The following SFR1 variants were observed in gnomAD, a reference collection of about 807,000 sequenced individuals.
The protein encoded by SFR1 is SWI5 dependent homologous recombination repair protein 1.
SFR1 carries 24 observed loss-of-function variants against 26.2 expected under a neutral mutation model. That is an observed-to-expected ratio of 0.92 (90% CI 0.66 to 1.29). The LOEUF (loss-of-function observed/expected upper bound fraction) is 1.29. SFR1 is among the 50% of genes most tolerant of loss of function. The pLI, the probability that SFR1 is intolerant of heterozygous loss-of-function variation, is 0.00. For synonymous variants in SFR1, 77 were observed against 96.6 expected (o/e 0.80, Z 1.19); for missense variants, 276 against 270.2 (o/e 1.02, Z -0.15).
At chr10:104,120,212 T>G (rs1457848937), upstream of SFR1, among the ~76,000 whole-genome samples, 1 of 152,234 alleles carries the variant, frequency 6.6e-6, no homozygotes, top group Non-Finnish European at 1.5e-5. Flanking sequence ...TGCACTGTGC[T>G]TCTAGTGTCA....
upstream of SFR1, among the ~76,000 whole-genome samples, chr10:104,120,804 T>TA (rs1170969687): frequency 6.6e-6 from 1 of 152,194 alleles, no homozygotes; most frequent in African/African-American, 2.4e-5. Flanking sequence ...TGTACGCCCC[T>TA]AATCATTCCC....
In SFR1 at chr10:104,125,986, G is replaced by A. The variant is rs992691841; in HGVS notation, c.*282G>A. 7 of 217,270 alleles carry A rather than the reference G, an allele frequency of 3.2e-5. No homozygotes were observed. The highest frequency in any genetic ancestry group is 1.8e-3 in the Middle Eastern group (1 of 566). 13.5% of individuals were successfully genotyped at this position (217,270 alleles called of 1,614,324 possible). On this transcript the variant is annotated 3_prime_UTR_variant, in exon 4 of 4. Coordinates refer to ENST00000369727, the MANE Select transcript of SFR1 (RefSeq NM_001002759.2). ...TCACCACGTTGGCCAGGCTGGTCTC[G>A]AACTCCTGACCTCAGGTGATCCACC...
Position 104,125,565 on chromosome 10 carries a change from A to G in SFR1, c.599A>G (p.Gln200Arg), listed in dbSNP as rs2087017067. The change falls in exon 4 of 4, where the codon CAG (glutamine) becomes CGG (arginine). Residue 200 changes from glutamine (Q) to arginine (R), a missense_variant. Gln to Arg is a conservative substitution (Grantham distance 43). Coordinates refer to ENST00000369727, the MANE Select transcript of SFR1 (RefSeq NM_001002759.2). ...LLIKKWRSCS[Q>R]LLLYELQSAV... ...ATAAAGAAGTGGAGAAGCTGTAGCC[A>G]GCTCTTGCTTTATGAGTTGCAGTCA... 1 of 1,613,754 alleles carries G rather than the reference A, an allele frequency of 6.2e-7. No individual in the cohort carries two copies. Among genetic ancestry groups the G allele is most frequent in the East Asian group, 2.2e-5 (1 of 44,868 alleles).
rs1365724071 is a variant in SFR1 at position 104,125,637 on chromosome 10, AC to A, written c.673del (p.His225ThrfsTer4). The part of the protein sequence containing the change: ...NKKLSLTQLI[D>X]HYGLDDKLLH... Reference sequence around the variant, plus strand: ...AAACTAAGCCTTACTCAATTGATAGACCACTATGGGTTAGATGATAAATTAC... The same window carrying A: ...AAACTAAGCCTTACTCAATTGATAGACACTATGGGTTAGATGATAAATTAC... On this transcript the variant is annotated frameshift_variant, in exon 4 of 4. Coordinates refer to ENST00000369727, the MANE Select transcript of SFR1 (RefSeq NM_001002759.2). LOFTEE classifies it high-confidence loss of function. The A allele has an allele frequency of 1.2e-6, 2 of 1,612,874 alleles. No homozygotes were observed. The highest frequency in any genetic ancestry group is 2.2e-5 in the East Asian group (1 of 44,866).
Position 104,125,847 on chromosome 10 carries a change from C to CCT in SFR1, c.*146_*147dup. On this transcript the variant is annotated 3_prime_UTR_variant, in exon 4 of 4. Transcript: ENST00000369727. ...ATGGTGCGATCTTGACTCACTGCAA[C>CCT]CTCTGCCTCTCGGGTTCCAGCAATT... The CCT allele has an allele frequency of 1.9e-6, 1 of 527,690 alleles. No homozygotes were observed. The highest frequency in any genetic ancestry group is 2.4e-5 in the South Asian group (1 of 41,110). 32.7% of individuals were successfully genotyped at this position (527,690 alleles called of 1,614,324 possible). A position where few individuals can be genotyped will look rare whatever the true frequency, so the allele number is the denominator to read the frequency against.
At chr10:104,121,175 A>T (rs998971052), upstream of SFR1, among the ~76,000 whole-genome samples, 1 of 152,090 alleles carries the variant, frequency 6.6e-6, no homozygotes, top group African/African-American at 2.4e-5. Context: ...GTCGGTCTCA[A>T]ACGTGAATTT....
At chr10:104,123,626 G>A (rs546014542) in intron 2 of SFR1, 88 bp from the exon 3 acceptor site, 16 of 1,087,632 alleles carry the variant, frequency 1.5e-5, no homozygotes, top group South Asian at 1.4e-4. Flanking sequence ...GTCTAGCATA[G>A]AAATGGAAGG....
rs529758125 is a variant in SFR1 at position 104,123,726 on chromosome 10, A to G, written c.148A>G (p.Thr50Ala). The change falls in exon 3 of 4, where the codon ACA (threonine) becomes GCA (alanine). Residue 50 changes from threonine to alanine, a missense_variant. Thr to Ala is a moderately conservative substitution (Grantham distance 58). Coordinates refer to ENST00000369727, the MANE Select transcript of SFR1 (RefSeq NM_001002759.2). ...GTGCTCTTTATAGCCTATGAGTGCA[A>G]CACTTAGAGAAAGATTAAGGAAAAC... ...NSSRKQPMSA[T>A]LRERLRKTRF... 3 of 1,595,044 alleles carry G rather than the reference A, an allele frequency of 1.9e-6. No homozygotes were observed. The South Asian group carries it at 3.4e-5, about 18-fold the overall frequency.
intron 2 of SFR1, 151 bp downstream of exon 2, chr10:104,123,237 A>G: frequency 1.5e-6 from 1 of 645,474 alleles, no homozygotes; most frequent in Admixed American, 3.1e-5. Context: ...TTTTCTTCTA[A>G]GGTGACATAT....
At chr10:104,122,687 G>A in intron 1 of SFR1, 1 of 1,365,268 alleles carries the variant, frequency 7.3e-7, no homozygotes, top group East Asian at 3.0e-5. Context: ...TTCCAAGGCA[G>A]AATTTGAATA....
rs200893641 is a variant in SFR1, at chr10:104,125,495, T to G, written c.547-18T>G. The stretch of plus-strand genomic sequence containing the variant: ...GCATGACTAGTTATTGACATACATG[T>G]TTTTTTTTCTGTTTCAGAATGATCT... On this transcript the variant is annotated intron_variant, in intron 3 of 3. Transcript: ENST00000369727. 296 of 1,571,932 alleles carry G rather than the reference T, an allele frequency of 1.9e-4. 1 individual carries two copies. Among genetic ancestry groups the G allele is most frequent in the South Asian group, 6.4e-4 (55 of 86,506 alleles).
At chr10:104,120,563 G>A (rs2086951295), upstream of SFR1, among the ~76,000 whole-genome samples, 1 of 152,076 alleles carries the variant, frequency 6.6e-6, no homozygotes, top group African/African-American at 2.4e-5. Context: ...GAAACTGAAG[G>A]TGATACATTC....
rs145344030 is a variant in SFR1, at chr10:104,123,974, T to G, written c.396T>G (p.Ser132=). The G allele has an allele frequency of 6.2e-7, 1 of 1,614,034 alleles. No individual in the cohort carries two copies. Among genetic ancestry groups the G allele is most frequent in the Non-Finnish European group, 8.5e-7 (1 of 1,179,952 alleles). Residue 132 remains serine, a synonymous_variant, in exon 3 of 4, where the codon TCT becomes TCG. Transcript: ENST00000369727. The part of the protein sequence containing the change: ...LNVCESQSLD[S]GSCSALQNEF... ...TCTGTGAATCTCAGTCACTTGATTC[T>G]GGATCATGCAGTGCTCTCCAAAATG...
chr10:104,121,668 CTGACTGGAGCCAGAGAAT>C (rs1335818227), upstream of SFR1, among the ~76,000 whole-genome samples: 14 of 152,206 alleles, frequency 9.2e-5, no homozygotes, highest in African/African-American at 3.1e-4. Flanking sequence ...GGAGAGGAGA[CTGACTGGAGCCAGAGAAT>C]GGAGGCGGCG....
Position 104,122,401 on chromosome 10 carries a change from C to T in SFR1, c.13+205C>T, listed in dbSNP as rs761899970. 543 of 985,274 alleles carry T rather than the reference C, an allele frequency of 5.5e-4. 1 individual carries two copies. Among genetic ancestry groups the T allele is most frequent in the Admixed American group, 8.6e-4 (14 of 16,262 alleles). The allele number at this position is 985,274 out of a possible 1,614,324, so 61.0% of individuals were successfully genotyped here. ...TAGTTTACCCCTCAAAAGTTAATGC[C>T]TTTGTCGGAGGAAGCAATTTCAGTC... On this transcript the variant is annotated intron_variant, in intron 1 of 3. Transcript: ENST00000369727.
At chr10:104,121,342 A>G (rs1254245066), upstream of SFR1, among the ~76,000 whole-genome samples, 1 of 151,682 alleles carries the variant, frequency 6.6e-6, no homozygotes, top group Non-Finnish European at 1.5e-5. Context: ...TTTGTTTACA[A>G]CAACAACAAA....
At chr10:104,122,467 G>C in intron 1 of SFR1, 1 of 985,458 alleles carries the variant, frequency 1.0e-6, no homozygotes, top group Non-Finnish European at 1.2e-6. Context: ...TAAACTAAAA[G>C]GCTACAGACG....
chr10:104,123,730 T>A lies in SFR1; in HGVS notation c.152T>A (p.Leu51His). 1 of 1,598,642 alleles carries A rather than the reference T, an allele frequency of 6.3e-7. No homozygotes were observed. Among genetic ancestry groups the A allele is most frequent in the Non-Finnish European group, 8.5e-7 (1 of 1,174,562 alleles). ...TCTTTATAGCCTATGAGTGCAACAC[T>A]TAGAGAAAGATTAAGGAAAACAAGA... Reference protein sequence around the residue: ...SSRKQPMSATLRERLRKTRFS... With the variant: ...SSRKQPMSATHRERLRKTRFS... Residue 51 changes from leucine (L) to histidine (H), a missense_variant, in exon 3 of 4, where the codon CTT (leucine) becomes CAT (histidine). Physicochemically the swap from Leu to His is moderately conservative, Grantham distance 99. Coordinates refer to ENST00000369727, the MANE Select transcript of SFR1 (RefSeq NM_001002759.2).
rs781328226 is a variant in SFR1 at position 104,123,710 on chromosome 10, A to G, written c.136-4A>G. 1.3e-6 allele frequency: 2 copies of G among 1,565,402 alleles called. No individual in the cohort carries two copies. The highest frequency in any genetic ancestry group is 2.4e-5 in the South Asian group (2 of 83,222). On this transcript the variant is annotated splice_polypyrimidine_tract_variant and splice_region_variant and intron_variant, in intron 2 of 3. Coordinates refer to ENST00000369727, the MANE Select transcript of SFR1 (RefSeq NM_001002759.2). Reference sequence around the variant, plus strand: ...ACATTTTTAATGTTTTGTGCTCTTTATAGCCTATGAGTGCAACACTTAGAG... The same window carrying G: ...ACATTTTTAATGTTTTGTGCTCTTTGTAGCCTATGAGTGCAACACTTAGAG...
Sources: gnomAD v4.1 joint callset for allele counts (sites outside exome capture counted in the v4.1 genomes callset) on GRCh38, gnomAD v4.1.1 for gene constraint, MANE v1.5 for transcripts, NCBI Gene and HGNC (gene_info 2026-07-23, HGNC 2026-07-21) for gene names.